The following ZNF589 variants were observed in gnomAD, a reference collection of about 807,000 sequenced individuals.
The protein encoded by ZNF589 is zinc finger protein 589.
Under a neutral mutation model 13.6 loss-of-function variants are expected in ZNF589, and 17 were observed. The observed-to-expected ratio is 1.25, with a 90% CI of 0.86 to 1.88. The LOEUF is 1.88. ZNF589 is among the 40% of genes most tolerant of loss of function. ZNF589 has a pLI of 0.00. For synonymous variants in ZNF589, 148 were observed against 161.6 expected (o/e 0.92, Z 0.64); for missense variants, 407 against 434.0 (o/e 0.94, Z 0.55).
chr3:48,268,872 G>T lies in ZNF589; in HGVS notation c.*86G>T. On this transcript the variant is annotated 3_prime_UTR_variant, in exon 4 of 4. Coordinates refer to ENST00000354698, the MANE Select transcript of ZNF589 (RefSeq NM_016089.3). ...AAGCCTTTTGTTTGCAGAGAGTGTG[G>T]GCGAGGCTTTCGTGCTAAATCAACT... The T allele has an allele frequency of 1.3e-6, 2 of 1,525,312 alleles. No individual in the cohort carries two copies. Among genetic ancestry groups the T allele is most frequent in the Non-Finnish European group, 8.8e-7 (1 of 1,132,668 alleles). 94.5% of individuals were successfully genotyped at this position (1,525,312 alleles called of 1,614,324 possible). A position where few individuals can be genotyped will look rare whatever the true frequency, so the allele number is the denominator to read the frequency against.
rs779346302 is a variant in ZNF589, at chr3:48,268,849, GC to G, written c.*65del. 1.3e-6 allele frequency: 2 copies of G among 1,540,936 alleles called. No homozygotes were observed. Among genetic ancestry groups the G allele is most frequent in the Non-Finnish European group, 1.7e-6 (2 of 1,143,720 alleles). On this transcript the variant is annotated 3_prime_UTR_variant, in exon 4 of 4. Transcript: ENST00000354698. ...ACCAGAGGATACATTCAGATGAGAA[GC>G]CTTTTGTTTGCAGAGAGTGTGGGCG...
At chr3:48,256,893 A>G (rs1235260197) in intron 2 of ZNF589, 1 of 865,424 alleles carries the variant, frequency 1.2e-6, no homozygotes, top group South Asian at 1.4e-5. Flanking sequence ...AGGAGCCCAC[A>G]CGGAAGCTGC....
intron 2 of ZNF589, among the ~76,000 whole-genome samples, chr3:48,254,508 T>G (rs2033876458): frequency 6.6e-6 from 1 of 152,238 alleles, no homozygotes; most frequent in Non-Finnish European, 1.5e-5. Context: ...ACAAAATAGC[T>G]TGCTGAGTTT....
At position 48,241,206 on chromosome 3, in the gene ZNF589, C is replaced by T. The variant is rs1354004131; in HGVS notation, c.35C>T (p.Thr12Ile). ...CCGCGGGAGCAGCTACTGGGCTGGA[C>T]TGCGGAAGGTGAGTCGGGGCCGCGA... ...WAPREQLLGW[T>I]AEALPAKDSA... The change falls in exon 1 of 4, where the codon ACT (threonine) becomes ATT (isoleucine). Residue 12 changes from threonine (T) to isoleucine (I), a missense_variant. Thr to Ile is a moderately conservative substitution (Grantham distance 89, BLOSUM62 -1). Transcript: ENST00000354698. 1.2e-6 allele frequency: 2 copies of T among 1,612,844 alleles called. No individual in the cohort carries two copies. Among genetic ancestry groups the T allele is most frequent in the East Asian group, 2.2e-5 (1 of 44,874 alleles).
At chr3:48,259,599 GTAAT>G (rs2033946141) in intron 2 of ZNF589, among the ~76,000 whole-genome samples, 1 of 152,174 alleles carries the variant, frequency 6.6e-6, no homozygotes, top group Non-Finnish European at 1.5e-5. Flanking sequence ...GGTACTCAGG[GTAAT>G]CAGAGGCAGC....
chr3:48,253,921 T>C (rs2033868468), intron 2 of ZNF589, among the ~76,000 whole-genome samples: 1 of 152,128 alleles, frequency 6.6e-6, no homozygotes, highest in African/African-American at 2.4e-5. Context: ...CAAGAACCCA[T>C]CTCTATAAAA....
chr3:48,241,826 G>T (rs1262311065), intron 1 of ZNF589, among the ~76,000 whole-genome samples: 1 of 151,928 alleles, frequency 6.6e-6, no homozygotes, highest in Admixed American at 6.6e-5. Context: ...CACCGCGCCC[G>T]GAGTATATTA....
intron 1 of ZNF589, 89 bp downstream of exon 1, chr3:48,241,303 C>A: frequency 1.3e-6 from 2 of 1,514,614 alleles, no homozygotes; most frequent in Non-Finnish European, 1.8e-6. Flanking sequence ...CAGGGATGCG[C>A]GTGGGGTGCG....
At chr3:48,250,306 C>CTTTTTT (rs34016179) in intron 2 of ZNF589, among the ~76,000 whole-genome samples, 3 of 116,856 alleles carry the variant, frequency 2.6e-5, no homozygotes, top group Non-Finnish European at 5.3e-5. Flanking sequence ...TCTCTACTTT[C>CTTTTTT]TTTTTTTTTT....
chr3:48,263,633 C>T (rs1471956817), intron 3 of ZNF589, among the ~76,000 whole-genome samples: 1 of 152,110 alleles, frequency 6.6e-6, no homozygotes, highest in Non-Finnish European at 1.5e-5. Context: ...GTGATGTGCA[C>T]CTGTAATCCC....
At chr3:48,262,223 C>G (rs1281311940) in intron 3 of ZNF589, among the ~76,000 whole-genome samples, 1 of 152,046 alleles carries the variant, frequency 6.6e-6, no homozygotes, top group African/African-American at 2.4e-5. Context: ...GAGTTTCATT[C>G]TCATTGCCCA....
chr3:48,255,786 G>T (rs2033892818), intron 2 of ZNF589, among the ~76,000 whole-genome samples: 1 of 151,498 alleles, frequency 6.6e-6, no homozygotes. Flanking sequence ...ACCATGCCTG[G>T]CCAGAGACGG....
intron 2 of ZNF589, chr3:48,257,059 T>G: frequency 2.0e-6 from 1 of 494,846 alleles, no homozygotes; most frequent in Non-Finnish European, 4.0e-6. Context: ...GGATTTGATT[T>G]TCTTATATTT....
chr3:48,268,926 A>C lies in ZNF589; in HGVS notation c.*140A>C. 1 of 1,233,278 alleles carries C rather than the reference A, an allele frequency of 8.1e-7. No homozygotes were observed. The highest frequency in any genetic ancestry group is 2.4e-5 in the East Asian group (1 of 42,468). The allele number at this position is 1,233,278 out of a possible 1,614,324, so 76.4% of individuals were successfully genotyped here. A position where few individuals can be genotyped will look rare whatever the true frequency, so the allele number is the denominator to read the frequency against. ...CTCCTACACCAGTGGACACATTCAG[A>C]GGTGAAACCTCACGTGTGTGAGGAG... is the stretch of plus-strand genomic sequence containing the variant. On this transcript the variant is annotated 3_prime_UTR_variant, in exon 4 of 4. Transcript: ENST00000354698.
chr3:48,268,304 A>G lies in ZNF589; in HGVS notation c.613A>G (p.Lys205Glu). 6.2e-7 allele frequency: 1 copy of G among 1,613,572 alleles called. No individual in the cohort carries two copies. The highest frequency in any genetic ancestry group is 8.5e-7 in the Non-Finnish European group (1 of 1,179,610). ...CTCTGAGGAAGTAGACAGAATTTCC[A>G]AGAGGGCAGAAACCCCAGGGTTTGG... Reference protein sequence around the residue: ...ASSEEVDRISKRAETPGFGAV... With the variant: ...ASSEEVDRISERAETPGFGAV... Residue 205 changes from lysine (K) to glutamate (E), a missense_variant, in exon 4 of 4, where the codon AAG (lysine) becomes GAG (glutamate). Coordinates refer to ENST00000354698, the MANE Select transcript of ZNF589 (RefSeq NM_016089.3).
rs1486273931 is a variant in ZNF589, at chr3:48,270,152, C to T, written c.*1366C>T. 1 of 457,038 alleles carries T rather than the reference C, an allele frequency of 2.2e-6. No individual in the cohort carries two copies. The highest frequency in any genetic ancestry group is 2.0e-5 in the African/African-American group (1 of 50,168). The allele number at this position is 457,038 out of a possible 1,614,324, so 28.3% of individuals were successfully genotyped here. ...CTTTATTTTTTTCTACATCTCTAGC[C>T]TTTGCTGTTTCCTCTCCTACCCCAC... On this transcript the variant is annotated 3_prime_UTR_variant, in exon 4 of 4. Coordinates refer to ENST00000354698, the MANE Select transcript of ZNF589 (RefSeq NM_016089.3).
Position 48,270,359 on chromosome 3 carries a change from A to G in ZNF589, c.*1573A>G, listed in dbSNP as rs759172949. 2.6e-6 allele frequency: 1 copy of G among 389,652 alleles called. No individual in the cohort carries two copies. Among genetic ancestry groups the G allele is most frequent in the Non-Finnish European group, 5.1e-6 (1 of 197,720 alleles). The allele number at this position is 389,652 out of a possible 1,614,324, so 24.1% of individuals were successfully genotyped here. Reference sequence around the variant, plus strand: ...GGCCTTCAATGACAGGGATCTAGCAATGCTGCATCATCAGCCTTCCAATAC... The same window carrying G: ...GGCCTTCAATGACAGGGATCTAGCAGTGCTGCATCATCAGCCTTCCAATAC... On this transcript the variant is annotated 3_prime_UTR_variant, in exon 4 of 4. Transcript: ENST00000354698.
rs779241821 is a variant in ZNF589, at chr3:48,270,941, C to T, written c.*2155C>T. On this transcript the variant is annotated 3_prime_UTR_variant, in exon 4 of 4. Coordinates refer to ENST00000354698, the MANE Select transcript of ZNF589 (RefSeq NM_016089.3). The stretch of plus-strand genomic sequence containing the variant: ...ATTGGTGGGTTCTTGGTCTTGCTGA[C>T]TTCAAGAATGAAGCCGTGGACCCTC... 4.0e-5 allele frequency: 8 copies of T among 198,248 alleles called. No individual in the cohort carries two copies. The highest frequency in any genetic ancestry group is 8.0e-5 in the Non-Finnish European group (8 of 99,598). The allele number at this position is 198,248 out of a possible 1,614,324, so 12.3% of individuals were successfully genotyped here.
intron 2 of ZNF589, among the ~76,000 whole-genome samples, chr3:48,259,743 G>A (rs1176495610): frequency 6.6e-6 from 1 of 151,712 alleles, no homozygotes; most frequent in Non-Finnish European, 1.5e-5. Context: ...AAATCCCATC[G>A]CTACTAAAAA....
Sources: gnomAD v4.1 joint callset for allele counts (sites outside exome capture counted in the v4.1 genomes callset) on GRCh38, gnomAD v4.1.1 for gene constraint, MANE v1.5 for transcripts, NCBI Gene and HGNC (gene_info 2026-07-23, HGNC 2026-07-21) for gene names.